Variants in IQUB observed in about 807,000 individuals in gnomAD.
The protein encoded by IQUB is IQ motif and ubiquitin domain containing.
In IQUB, 86 loss-of-function variants were observed where a neutral mutation model predicts 86.4. The ratio of observed to expected loss-of-function variants is 1.00; its 90% CI spans 0.84 to 1.19. IQUB has a LOEUF of 1.19. Among genes scored for constraint, IQUB ranks in the 50% most tolerant of loss-of-function variants. The pLI is 0.00. For synonymous variants in IQUB, 289 were observed against 304.5 expected (o/e 0.95, Z 0.53); for missense variants, 946 against 916.9 (o/e 1.03, Z -0.41).
chr7:123,457,550 T>C lies in IQUB; in HGVS notation c.2024A>G (p.Tyr675Cys). 1 of 1,604,110 alleles carries C rather than the reference T, an allele frequency of 6.2e-7. No individual in the cohort carries two copies. Among genetic ancestry groups the C allele is most frequent in the Non-Finnish European group, 8.5e-7 (1 of 1,176,780 alleles). ...AFLMQLQDIQYLTENIWASQS... is the reference protein window; with the variant it reads ...AFLMQLQDIQCLTENIWASQS... ...GGACGCCCAGATGTTCTCTGTCAGG[T>C]ACTGAATGTCTTGTAGCTGCATGTC... The change falls in exon 12 of 13, where the codon TAC (tyrosine) becomes TGC (cysteine). Residue 675 changes from tyrosine (Y) to cysteine (C), a missense_variant. Coordinates refer to ENST00000324698, the MANE Select transcript of IQUB (RefSeq NM_178827.5).
chr7:123,469,592 C>T (rs1794435686), intron 8 of IQUB, among the ~76,000 whole-genome samples: 2 of 152,078 alleles, frequency 1.3e-5, no homozygotes, highest in South Asian at 4.1e-4. Context: ...GTTATTCAGT[C>T]TGTAGAAGTT....
chr7:123,504,460 A>C (rs1404758767), intron 3 of IQUB, among the ~76,000 whole-genome samples: 1 of 152,168 alleles, frequency 6.6e-6, no homozygotes, highest in African/African-American at 2.4e-5. Flanking sequence ...AAAAAAAATA[A>C]TAAAAGACGT....
chr7:123,482,499 T>C (rs1435991781), intron 7 of IQUB, among the ~76,000 whole-genome samples: 1 of 152,010 alleles, frequency 6.6e-6, no homozygotes, highest in Non-Finnish European at 1.5e-5. Context: ...AACAAAAGTT[T>C]ATATAGAAAT....
chr7:123,463,983 G>A (rs1037765567), intron 10 of IQUB, among the ~76,000 whole-genome samples: 10 of 151,212 alleles, frequency 6.6e-5, no homozygotes, highest in Non-Finnish European at 1.2e-4. Context: ...AATACAATCA[G>A]GTTTTTAAAA....
At chr7:123,484,287 T>G (rs1795125075) in intron 7 of IQUB, among the ~76,000 whole-genome samples, 2 of 152,180 alleles carry the variant, frequency 1.3e-5, no homozygotes, top group South Asian at 4.1e-4. Flanking sequence ...AATCTATGAT[T>G]GATGAGTTTG....
intron 6 of IQUB, 48 bp downstream of exon 6, chr7:123,502,549 C>G: frequency 6.5e-7 from 1 of 1,538,152 alleles, no homozygotes; most frequent in South Asian, 1.2e-5. Context: ...GAACAACTGG[C>G]TTATATATCA....
intron 10 of IQUB, 109 bp from the exon 11 acceptor site, chr7:123,461,714 G>A (rs1793997076): frequency 2.1e-6 from 2 of 961,818 alleles, no homozygotes; most frequent in Admixed American, 3.6e-5. Flanking sequence ...CTTAGAATGA[G>A]ATTTAAAAAA....
At chr7:123,475,162 CTTTACCTTATCTAG>C (rs1794692421) in intron 8 of IQUB, among the ~76,000 whole-genome samples, 1 of 152,190 alleles carries the variant, frequency 6.6e-6, no homozygotes, top group Non-Finnish European at 1.5e-5. Context: ...TCTCTCCTCA[CTTTACCTTATCTAG>C]TTCCCTCTAG....
chr7:123,490,481 T>C (rs556177806), intron 7 of IQUB, among the ~76,000 whole-genome samples: 1 of 152,306 alleles, frequency 6.6e-6, no homozygotes, highest in South Asian at 2.1e-4. Flanking sequence ...ATAACTGATA[T>C]ACAAATAAAT....
At chr7:123,453,915 AT>A (rs1183719776) in intron 12 of IQUB, among the ~76,000 whole-genome samples, 1 of 152,150 alleles carries the variant, frequency 6.6e-6, no homozygotes, top group Non-Finnish European at 1.5e-5. Flanking sequence ...TCTATTACCT[AT>A]TAATCTTAAT....
chr7:123,517,622 A>G lies in IQUB; in HGVS notation c.-4-5278T>C, dbSNP rs74413967. Among the ~76,000 whole-genome samples the G allele has an allele frequency of 8.0e-3, 1,219 of 152,124 alleles. 14 individuals are homozygous for G. Among genetic ancestry groups the G allele is most frequent in the African/African-American group, 0.028 (1,163 of 41,474 alleles). On this transcript the variant is annotated intron_variant, in intron 1 of 12. Coordinates refer to ENST00000324698, the MANE Select transcript of IQUB (RefSeq NM_178827.5). ...AATACCCTTGAAAACAAAATTCAAA[A>G]CAAAGCTGTCAGTGTCTCTTAAGCA...
chr7:123,481,070 T>C (rs527440203), intron 7 of IQUB, among the ~76,000 whole-genome samples: 5 of 152,248 alleles, frequency 3.3e-5, no homozygotes, highest in African/African-American at 1.2e-4. Flanking sequence ...TGGAAATAAC[T>C]TGAGAAATTA....
chr7:123,478,982 A>G (rs1794876395), intron 8 of IQUB, among the ~76,000 whole-genome samples: 1 of 152,166 alleles, frequency 6.6e-6, no homozygotes, highest in African/African-American at 2.4e-5. Context: ...TGCAGGTAGT[A>G]GTTAAAGCCA....
At chr7:123,528,170 C>T (rs1472390690) in intron 1 of IQUB, among the ~76,000 whole-genome samples, 2 of 152,178 alleles carry the variant, frequency 1.3e-5, no homozygotes, top group East Asian at 1.9e-4. Flanking sequence ...CGCCCTGCTT[C>T]GGCTCGCGCA....
intron 1 of IQUB, among the ~76,000 whole-genome samples, chr7:123,519,154 T>C (rs573075616): frequency 6.6e-6 from 1 of 151,754 alleles, no homozygotes; most frequent in African/African-American, 2.4e-5. Flanking sequence ...AAAAAGAAAA[T>C]AACAGATGCT....
At position 123,452,642 on chromosome 7, in the gene IQUB, CAATA is replaced by C; in HGVS notation, c.*97_*100del. ...TACTATGAAAAACAAAAAACAAAATCAATAAACAGATTAAATTCCATTTCCATAC... is the reference window on the plus strand; with the variant it reads ...TACTATGAAAAACAAAAAACAAAATCAACAGATTAAATTCCATTTCCATAC... On this transcript the variant is annotated 3_prime_UTR_variant, in exon 13 of 13. Coordinates refer to ENST00000324698, the MANE Select transcript of IQUB (RefSeq NM_178827.5). 2 of 700,944 alleles carry C rather than the reference CAATA, an allele frequency of 2.9e-6. No individual in the cohort carries two copies. The highest frequency in any genetic ancestry group is 4.3e-6 in the Non-Finnish European group (2 of 465,284). 43.4% of individuals were successfully genotyped at this position (700,944 alleles called of 1,614,324 possible).
chr7:123,479,778 G>A lies in IQUB; in HGVS notation c.1410+17C>T. 1 of 1,575,652 alleles carries A rather than the reference G, an allele frequency of 6.3e-7. No individual in the cohort carries two copies. The highest frequency in any genetic ancestry group is 8.7e-7 in the Non-Finnish European group (1 of 1,151,820). On this transcript the variant is annotated intron_variant, in intron 8 of 12. Coordinates refer to ENST00000324698, the MANE Select transcript of IQUB (RefSeq NM_178827.5). ...CTCAGAATACATTCATATTTAAATAGTAGTCACTTCACTAACCTTATCCAA... is the reference window on the plus strand; with the variant it reads ...CTCAGAATACATTCATATTTAAATAATAGTCACTTCACTAACCTTATCCAA...
intron 7 of IQUB, among the ~76,000 whole-genome samples, chr7:123,495,959 G>A (rs1035290254): frequency 2.0e-5 from 3 of 152,136 alleles, no homozygotes; most frequent in Admixed American, 6.6e-5. Context: ...ATTACCAACT[G>A]TGGTGATAAA....
At chr7:123,517,530 C>CAA (rs374712007) in intron 1 of IQUB, among the ~76,000 whole-genome samples, 580 of 22,362 alleles carry the variant, frequency 0.026, 101 homozygotes, top group African/African-American at 0.046. Flanking sequence ...GACTCCATCT[C>CAA]AAAAAAAAAA....
Sources: allele counts gnomAD v4.1 joint callset (sites outside exome capture counted in the v4.1 genomes callset), GRCh38; gene constraint gnomAD v4.1.1; transcripts MANE v1.5; gene names NCBI Gene and HGNC (gene_info 2026-07-23, HGNC 2026-07-21).